Variants in AP1B1 observed in about 807,000 individuals in gnomAD.
AP1B1 encodes adaptor related protein complex 1 subunit beta 1.
Under a neutral mutation model 104.3 loss-of-function variants are expected in AP1B1, and 36 were observed. The ratio of observed to expected loss-of-function variants is 0.35; its 90% confidence interval spans 0.26 to 0.46. The LOEUF (loss-of-function observed/expected upper bound fraction) is 0.46. AP1B1 is among the 20% of genes least tolerant of loss of function. AP1B1 has a pLI of 1.00. For missense variants in AP1B1, 901 were observed against 1,247.9 expected, an observed-to-expected ratio of 0.72 and a Z score of 4.19; for synonymous variants, 504 against 517.5, an observed-to-expected ratio of 0.97 and a Z score of 0.35.
At chr22:29,363,390 C>T (rs1205611947) in intron 2 of AP1B1, among the ~76,000 whole-genome samples, 1 of 152,232 alleles carries the variant, frequency 6.6e-6, no homozygotes, top group East Asian at 1.9e-4. Context: ...TGGCTCATGC[C>T]TGTAATCCCA....
rs1168284448 is a variant in AP1B1 at position 29,354,636 on chromosome 22, G to A, written c.938+14C>T. On this transcript the variant is annotated intron_variant, in intron 7 of 22. Coordinates refer to ENST00000357586, the MANE Select transcript of AP1B1 (RefSeq NM_001127.4). Reference sequence around the variant, plus strand: ...GAGGGGTACGCATGGACGTGCGTGTGGTGACCTCAGTACCTTTTCTGCACG... The same window carrying A: ...GAGGGGTACGCATGGACGTGCGTGTAGTGACCTCAGTACCTTTTCTGCACG... 33 of 1,612,534 alleles carry A rather than the reference G, an allele frequency of 2.0e-5. No homozygotes were observed. The highest frequency in any genetic ancestry group is 2.7e-5 in the Non-Finnish European group (32 of 1,178,836).
intron 7 of AP1B1, among the ~76,000 whole-genome samples, chr22:29,353,576 C>A (rs1210006938): frequency 6.6e-6 from 1 of 152,204 alleles, no homozygotes; most frequent in African/African-American, 2.4e-5. Flanking sequence ...CTAGTTTCAT[C>A]CCTTGGTTTA....
In AP1B1 at chr22:29,339,662, G is replaced by C. The variant is rs1262367650; in HGVS notation, c.2019+92C>G. On this transcript the variant is annotated intron_variant, in intron 15 of 22. Coordinates refer to ENST00000357586, the MANE Select transcript of AP1B1 (RefSeq NM_001127.4). ...GGGCTCAGCAGGTGGAGGCTGCTGTGACATCACCCGCCCCCGCCCCTTGGG... is the reference window on the plus strand; with the variant it reads ...GGGCTCAGCAGGTGGAGGCTGCTGTCACATCACCCGCCCCCGCCCCTTGGG... 3 of 1,396,028 alleles carry C rather than the reference G, an allele frequency of 2.1e-6. No homozygotes were observed. The Admixed American group carries it at 5.7e-5, about 27-fold the overall frequency. 86.5% of individuals were successfully genotyped at this position (1,396,028 alleles called of 1,614,324 possible).
In AP1B1 at chr22:29,358,717, G is replaced by A. The variant is rs200997990; in HGVS notation, c.525+9C>T. 2,435 of 1,606,330 alleles carry A rather than the reference G, an allele frequency of 1.5e-3. 4 individuals are homozygous for A. Among genetic ancestry groups the A allele is most frequent in the Non-Finnish European group, 2.0e-3 (2,308 of 1,173,870 alleles). On this transcript the variant is annotated intron_variant, in intron 5 of 22. Transcript: ENST00000357586. ...GGTGGAGGTAGCACGGTGGGTGGCA[G>A]TGGCTTACCATGGGGTTAGAGTCGG...
chr22:29,340,697 T>C lies in AP1B1; in HGVS notation c.1957A>G (p.Met653Val). ...GPPLATSSVQMGAVDLLGGGL... is the reference protein window; with the variant it reads ...GPPLATSSVQVGAVDLLGGGL... ...CCGCCAAGAAGGTCCACAGCTCCCA[T>C]CTGCACCGAGGAGGTGGCCAGGGGT... Residue 653 changes from methionine to valine, a missense_variant, in exon 14 of 23, where the codon ATG becomes GTG. Physicochemically the swap from Met to Val is conservative, Grantham distance 21. This residue lies in a region of AP1B1 where 424 missense variants were observed against 494.0 expected (regional missense o/e 0.86). Coordinates refer to ENST00000357586, the MANE Select transcript of AP1B1 (RefSeq NM_001127.4). The C allele has an allele frequency of 2.5e-6, 4 of 1,583,222 alleles. No individual in the cohort carries two copies. Among genetic ancestry groups the C allele is most frequent in the Non-Finnish European group, 8.6e-7 (1 of 1,164,676 alleles).
intron 11 of AP1B1, among the ~76,000 whole-genome samples, chr22:29,345,339 G>A (rs774842448): frequency 2.7e-5 from 4 of 146,062 alleles, no homozygotes; most frequent in Non-Finnish European, 4.5e-5. Context: ...TTACAGGCAT[G>A]AGCTGCTGCA....
At chr22:29,354,037 C>T (rs1038060210) in intron 7 of AP1B1, among the ~76,000 whole-genome samples, 7 of 152,208 alleles carry the variant, frequency 4.6e-5, no homozygotes, top group African/African-American at 1.4e-4. Flanking sequence ...TACCATACCA[C>T]GTGCCCTGGG....
At chr22:29,355,931 C>T (rs79706173) in intron 6 of AP1B1, among the ~76,000 whole-genome samples, 2,421 of 152,086 alleles carry the variant, frequency 0.016, 55 homozygotes, top group African/African-American at 0.055. Context: ...CTCCTCACTT[C>T]CTCCGACTTG....
At chr22:29,334,167 C>T in intron 17 of AP1B1, 98 bp downstream of exon 17, 1 of 876,012 alleles carries the variant, frequency 1.1e-6, no homozygotes, top group Non-Finnish European at 1.7e-6. Flanking sequence ...CTCCCCTCTA[C>T]AGCCCCCACC....
At chr22:29,366,598 C>T (rs1259302368) in intron 2 of AP1B1, among the ~76,000 whole-genome samples, 1 of 152,080 alleles carries the variant, frequency 6.6e-6, no homozygotes, top group Non-Finnish European at 1.5e-5. Flanking sequence ...CATTGCACTC[C>T]AGCCTGGGCA....
intron 17 of AP1B1, among the ~76,000 whole-genome samples, chr22:29,332,577 C>A (rs1041531287): frequency 1.3e-5 from 2 of 152,178 alleles, no homozygotes; most frequent in Non-Finnish European, 2.9e-5. Context: ...ACCTGGGCTG[C>A]GGATTCAATA....
At chr22:29,377,742 C>T (rs1352530895) in intron 1 of AP1B1, among the ~76,000 whole-genome samples, 1 of 149,236 alleles carries the variant, frequency 6.7e-6, no homozygotes, top group African/African-American at 2.5e-5. Context: ...ACCTGGGAGG[C>T]GGAGGTTGCA....
chr22:29,339,399 T>C (rs138179611), intron 15 of AP1B1, among the ~76,000 whole-genome samples: 94 of 152,150 alleles, frequency 6.2e-4, no homozygotes, highest in African/African-American at 2.2e-3. Context: ...GCTCAGCCTA[T>C]GGATAAAAGG....
intron 14 of AP1B1, 106 bp downstream of exon 14, chr22:29,340,550 A>G: frequency 4.2e-6 from 5 of 1,197,422 alleles, no homozygotes; most frequent in Non-Finnish European, 5.8e-6. Flanking sequence ...AGGACTCTAT[A>G]TAATGTACCT....
chr22:29,377,115 G>C (rs2062356362), intron 1 of AP1B1, among the ~76,000 whole-genome samples: 1 of 142,276 alleles, frequency 7.0e-6, no homozygotes, highest in Non-Finnish European at 1.5e-5. Context: ...AGAATCGCTT[G>C]AACCTGGGAG....
At position 29,334,429 on chromosome 22, in the gene AP1B1, G is replaced by T; in HGVS notation, c.2164-19C>A. ...GCCAGACCTGCAGGGAAGAGGGTGC[G>T]GAGGGGGCGGGTAGGTGCCTCTTCC... On this transcript the variant is annotated intron_variant, in intron 16 of 22. Coordinates refer to ENST00000357586, the MANE Select transcript of AP1B1 (RefSeq NM_001127.4). The T allele has an allele frequency of 6.3e-7, 1 of 1,590,680 alleles. No homozygotes were observed.
At position 29,349,451 on chromosome 22, in the gene AP1B1, A is replaced by G. The variant is rs529694774; in HGVS notation, c.1272-68T>C. ...AACGGGAAACCCAGGGAAGCCAGAC[A>G]GGGGCCAGGAGGGAAGGGGACCTGC... On this transcript the variant is annotated intron_variant, in intron 10 of 22. Transcript: ENST00000357586. The G allele has an allele frequency of 9.1e-5, 141 of 1,551,186 alleles. 1 individual carries two copies. The East Asian group carries it at 3.1e-3, about 35-fold the overall frequency.
At chr22:29,353,839 T>C (rs2061914212) in intron 7 of AP1B1, among the ~76,000 whole-genome samples, 1 of 152,176 alleles carries the variant, frequency 6.6e-6, no homozygotes, top group Non-Finnish European at 1.5e-5. Context: ...TGGTTGCTAC[T>C]GTCAAGTCCC....
intron 1 of AP1B1, among the ~76,000 whole-genome samples, chr22:29,386,016 A>T (rs537573091): frequency 1.8e-4 from 27 of 152,342 alleles, no homozygotes; most frequent in African/African-American, 6.5e-4. Context: ...GCGTACATTA[A>T]GGTCTCTGTT....
Sources: gnomAD v4.1 joint callset for allele counts (sites outside exome capture counted in the v4.1 genomes callset) on GRCh38, gnomAD v4.1.1 for gene constraint, gnomAD v4.1.1 regional missense constraint, MANE v1.5 for transcripts, NCBI Gene and HGNC (gene_info 2026-07-23, HGNC 2026-07-21) for gene names.